C1orf21: variants seen among roughly 807,000 people sequenced by gnomAD.
C1orf21 encodes the protein chromosome 1 open reading frame 21.
C1orf21 carries 3 observed loss-of-function variants against 18.7 expected under a neutral mutation model. That is an observed-to-expected ratio of 0.16 (90% CI 0.07 to 0.42). The LOEUF (loss-of-function observed/expected upper bound fraction) is 0.42. C1orf21 is among the 10% of genes least tolerant of loss of function. The probability of loss-of-function intolerance (pLI) is 0.99; values close to 1 mark genes in which losing one functional copy is unlikely to be tolerated. For synonymous variants in C1orf21, 41 were observed against 46.4 expected (o/e 0.88, Z 0.47); for missense variants, 104 against 143.6 (o/e 0.72, Z 1.41).
chr1:184,554,778 C>T (rs180739979), intron 3 of C1orf21, among the ~76,000 whole-genome samples: 156 of 152,226 alleles, frequency 1.0e-3, no homozygotes, highest in Non-Finnish European at 2.0e-3. Context: ...GGGACAGTCT[C>T]TTAAAAATTT....
chr1:184,547,245 T>C (rs1327198743), intron 3 of C1orf21, among the ~76,000 whole-genome samples: 1 of 152,164 alleles, frequency 6.6e-6, no homozygotes, highest in Non-Finnish European at 1.5e-5. Context: ...TAGGGCTGGA[T>C]TGAGCATGGT....
At chr1:184,542,088 A>G (rs1052865414) in intron 3 of C1orf21, among the ~76,000 whole-genome samples, 5 of 152,058 alleles carry the variant, frequency 3.3e-5, no homozygotes, top group Admixed American at 2.0e-4. Context: ...CTTGTCAGTT[A>G]TTGTCACAAC....
chr1:184,534,160 G>T (rs1198964464), intron 3 of C1orf21, among the ~76,000 whole-genome samples: 1 of 152,148 alleles, frequency 6.6e-6, no homozygotes, highest in Non-Finnish European at 1.5e-5. Context: ...AGTTTATAGA[G>T]TGCTTTTACA....
At chr1:184,556,786 C>A (rs1658885077) in intron 3 of C1orf21, among the ~76,000 whole-genome samples, 1 of 152,060 alleles carries the variant, frequency 6.6e-6, no homozygotes, top group Non-Finnish European at 1.5e-5. Context: ...AAAATCTGAT[C>A]CTTATTGTTA....
intron 1 of C1orf21, among the ~76,000 whole-genome samples, chr1:184,426,671 C>A (rs1197922244): frequency 1.3e-5 from 2 of 152,156 alleles, no homozygotes; most frequent in African/African-American, 4.8e-5. Context: ...CCTAATGTGC[C>A]TCTCTTAGCA....
intron 2 of C1orf21, among the ~76,000 whole-genome samples, chr1:184,481,280 G>C (rs1657650050): frequency 6.6e-6 from 1 of 152,122 alleles, no homozygotes; most frequent in East Asian, 1.9e-4. Flanking sequence ...GAATTGGTGG[G>C]TCAGCTGTGG....
intron 3 of C1orf21, among the ~76,000 whole-genome samples, chr1:184,576,081 T>A (rs1659185194): frequency 6.6e-6 from 1 of 152,044 alleles, no homozygotes; most frequent in Non-Finnish European, 1.5e-5. Flanking sequence ...AACCAACATA[T>A]CACTTTTCTG....
chr1:184,590,071 A>G (rs760415224), intron 3 of C1orf21, among the ~76,000 whole-genome samples: 4 of 152,214 alleles, frequency 2.6e-5, no homozygotes, highest in African/African-American at 4.8e-5. Context: ...GATAACGTTG[A>G]AAAATGCAGA....
intron 3 of C1orf21, among the ~76,000 whole-genome samples, chr1:184,565,478 A>G (rs1659023023): frequency 6.6e-6 from 1 of 152,228 alleles, no homozygotes; most frequent in Non-Finnish European, 1.5e-5. Flanking sequence ...CTGGTTCTCT[A>G]GACCTCACCA....
chr1:184,560,318 G>A (rs1293716134), intron 3 of C1orf21, among the ~76,000 whole-genome samples: 5 of 152,088 alleles, frequency 3.3e-5, no homozygotes, highest in African/African-American at 1.2e-4. Flanking sequence ...ATTCAGGTTT[G>A]GAACTTCTAG....
At chr1:184,512,049 A>G (rs1313315307) in intron 3 of C1orf21, among the ~76,000 whole-genome samples, 5 of 152,204 alleles carry the variant, frequency 3.3e-5, no homozygotes, top group South Asian at 2.1e-4. Flanking sequence ...AGAAGAGACA[A>G]TGGTCAAAGA....
chr1:184,505,100 A>C (rs1367340652), intron 2 of C1orf21, among the ~76,000 whole-genome samples: 6 of 151,862 alleles, frequency 4.0e-5, no homozygotes, highest in Non-Finnish European at 5.9e-5. Flanking sequence ...GGCTGTTCAG[A>C]GTATGTCTGC....
intron 3 of C1orf21, among the ~76,000 whole-genome samples, chr1:184,510,380 G>A (rs1046095563): frequency 6.6e-6 from 1 of 152,210 alleles, no homozygotes; most frequent in African/African-American, 2.4e-5. Flanking sequence ...TTGTATTGCA[G>A]TGGACAAGGT....
intron 4 of C1orf21, among the ~76,000 whole-genome samples, chr1:184,593,887 A>G (rs1659479318): frequency 6.6e-6 from 1 of 152,252 alleles, no homozygotes; most frequent in Non-Finnish European, 1.5e-5. Flanking sequence ...GAAAGATTAC[A>G]TAGAACATGA....
Position 184,619,759 on chromosome 1 carries a change from T to TA in C1orf21, c.*204dup, listed in dbSNP as rs1278698964. ...GCTAAAAACAAACAAAAAAAACTGT[T>TA]ATCGAACTTTCTTTGTTGCTGCTAG... is the stretch of plus-strand genomic sequence containing the variant. On this transcript the variant is annotated 3_prime_UTR_variant, in exon 6 of 6. Transcript: ENST00000235307. The TA allele has an allele frequency of 1.1e-5, 5 of 455,324 alleles. No homozygotes were observed. The highest frequency in any genetic ancestry group is 1.0e-4 in the African/African-American group (5 of 48,948). The allele number at this position is 455,324 out of a possible 1,614,324, so 28.2% of individuals were successfully genotyped here. A position where few individuals can be genotyped will look rare whatever the true frequency, so the allele number is the denominator to read the frequency against.
At chr1:184,597,184 A>G (rs1406464990) in intron 4 of C1orf21, among the ~76,000 whole-genome samples, 1 of 152,240 alleles carries the variant, frequency 6.6e-6, no homozygotes, top group East Asian at 1.9e-4. Context: ...CCTTATTTGA[A>G]TGATCAGATA....
intron 3 of C1orf21, among the ~76,000 whole-genome samples, chr1:184,536,314 T>C (rs1423112334): frequency 6.7e-6 from 1 of 149,264 alleles, no homozygotes; most frequent in South Asian, 2.1e-4. Flanking sequence ...ACCCAGGTTC[T>C]TGCTATCTTG....
intron 1 of C1orf21, among the ~76,000 whole-genome samples, chr1:184,404,311 A>C (rs1414689886): frequency 6.6e-6 from 1 of 152,184 alleles, no homozygotes; most frequent in Non-Finnish European, 1.5e-5. Flanking sequence ...TTGTGCTGCT[A>C]TAACAGAACA....
intron 3 of C1orf21, among the ~76,000 whole-genome samples, chr1:184,571,296 C>CAAAAAA (rs66868646): frequency 6.4e-4 from 55 of 85,344 alleles, no homozygotes; most frequent in Admixed American, 8.5e-4. Context: ...GACTCCGTCT[C>CAAAAAA]AAAAAAAAAA....
Sources: gnomAD v4.1 joint callset for allele counts (sites outside exome capture counted in the v4.1 genomes callset) on GRCh38, gnomAD v4.1.1 for gene constraint, MANE v1.5 for transcripts, NCBI Gene and HGNC (gene_info 2026-07-23, HGNC 2026-07-21) for gene names.